The following ASTN2 variants were observed in gnomAD, a reference collection of about 807,000 sequenced individuals.
ASTN2 encodes the protein astrotactin 2.
In ASTN2, 54 loss-of-function variants were observed where a neutral mutation model predicts 139.8. The observed-to-expected ratio is 0.39, with a 90% CI of 0.31 to 0.48. The LOEUF is 0.48. Ranked by LOEUF, ASTN2 falls within the 20% of genes least tolerant of loss-of-function variation. The pLI is 0.95. For synonymous variants in ASTN2, 756 were observed against 719.5 expected (o/e 1.05, Z -0.81); for missense variants, 1,565 against 1,725.1 (o/e 0.91, Z 1.64).
intron 13 of ASTN2, among the ~76,000 whole-genome samples, chr9:116,754,352 T>C (rs1829482226): frequency 6.6e-6 from 1 of 152,172 alleles, no homozygotes. Context: ...GGTCAAATGG[T>C]ATTTCTAGTT....
chr9:116,798,827 C>T (rs1379090629), intron 13 of ASTN2, among the ~76,000 whole-genome samples: 1 of 152,124 alleles, frequency 6.6e-6, no homozygotes, highest in Non-Finnish European at 1.5e-5. Context: ...GGCCAGGGCC[C>T]CTGCCATTCA....
chr9:116,687,834 C>T (rs1276153922), intron 16 of ASTN2, among the ~76,000 whole-genome samples: 2 of 151,558 alleles, frequency 1.3e-5, no homozygotes, highest in African/African-American at 4.9e-5. Context: ...AGGACAGGGT[C>T]TGAGATGATA....
chr9:117,050,856 C>T (rs374347932), intron 5 of ASTN2, among the ~76,000 whole-genome samples: 3 of 152,104 alleles, frequency 2.0e-5, no homozygotes, highest in Admixed American at 6.5e-5. Flanking sequence ...TTCCTGATGG[C>T]CCACAAACCC....
At chr9:116,491,835 T>G (rs1162690142) in intron 19 of ASTN2, among the ~76,000 whole-genome samples, 1 of 152,180 alleles carries the variant, frequency 6.6e-6, no homozygotes, top group African/African-American at 2.4e-5. Context: ...GAATGAGCAA[T>G]AATATACAGA....
intron 13 of ASTN2, among the ~76,000 whole-genome samples, chr9:116,782,010 C>T (rs1404260413): frequency 1.3e-5 from 2 of 152,142 alleles, no homozygotes; most frequent in African/African-American, 4.8e-5. Context: ...ACTCCAAAAC[C>T]CATACTCTTT....
chr9:116,522,673 TAAAC>T (rs1424704171), intron 19 of ASTN2, among the ~76,000 whole-genome samples: 1 of 151,998 alleles, frequency 6.6e-6, no homozygotes, highest in Non-Finnish European at 1.5e-5. Flanking sequence ...AGTAAAAACA[TAAAC>T]AATTTTTTTA....
chr9:117,066,467 T>C (rs10759893), intron 5 of ASTN2, among the ~76,000 whole-genome samples: 117,369 of 142,956 alleles, frequency 0.82, 48,483 homozygotes, highest in South Asian at 0.86. Flanking sequence ...TGAATAATGC[T>C]GCAATAAACA....
At chr9:117,017,455 C>T (rs376153587) in intron 6 of ASTN2, among the ~76,000 whole-genome samples, 5 of 152,132 alleles carry the variant, frequency 3.3e-5, no homozygotes, top group African/African-American at 1.2e-4. Context: ...TCAAGTAAGA[C>T]ACGAACTTAG....
At chr9:116,442,327 A>G (rs1847863758) in intron 21 of ASTN2, 126 bp downstream of exon 21, 1 of 769,476 alleles carries the variant, frequency 1.3e-6, no homozygotes, top group Non-Finnish European at 2.3e-6. Flanking sequence ...TAGTGCCTTC[A>G]ATTTCTTCTC....
chr9:117,036,458 G>C (rs1367637490), intron 6 of ASTN2, among the ~76,000 whole-genome samples: 2 of 152,174 alleles, frequency 1.3e-5, no homozygotes, highest in East Asian at 1.9e-4. Flanking sequence ...TCCCCTCCAA[G>C]GATAGTCATA....
At chr9:117,358,673 A>G (rs1829612366) in intron 1 of ASTN2, among the ~76,000 whole-genome samples, 1 of 152,138 alleles carries the variant, frequency 6.6e-6, no homozygotes, top group South Asian at 2.1e-4. Flanking sequence ...CTTTCTCAGC[A>G]TCTGCTCTCT....
At chr9:116,800,007 A>G (rs1216092067) in intron 13 of ASTN2, among the ~76,000 whole-genome samples, 2 of 152,148 alleles carry the variant, frequency 1.3e-5, no homozygotes, top group South Asian at 2.1e-4. Flanking sequence ...CAATTTCAAC[A>G]TAATTCCTAA....
At position 116,976,817 on chromosome 9, in the gene ASTN2, A is replaced by T. The variant is rs750847415; in HGVS notation, c.1592-32T>A. 21 of 1,592,734 alleles carry T rather than the reference A, an allele frequency of 1.3e-5. No individual in the cohort carries two copies. The Middle Eastern group carries it at 6.6e-4, about 50-fold the overall frequency. On this transcript the variant is annotated intron_variant, in intron 7 of 22. Transcript: ENST00000313400. ...GTGAAAAGAAAAAAGATTATTGTTA[A>T]GTAGAGTCTCCCCAAATAGGCTTTT...
chr9:116,883,366 T>C lies in ASTN2; in HGVS notation c.1890-19633A>G, dbSNP rs1450522240. 2.0e-5 allele frequency among the ~76,000 whole-genome samples: 3 copies of C among 152,062 alleles called. No homozygotes were observed. In the East Asian group the frequency reaches 5.8e-4, roughly 29 times the overall value. On this transcript the variant is annotated intron_variant, in intron 10 of 22. Transcript: ENST00000313400. The stretch of plus-strand genomic sequence containing the variant: ...AAGGAAGAGGTAGCATTTAACTGGG[T>C]TGGATGTGTGGAGACAGCAGTGAGA...
chr9:117,031,390 C>T (rs1379171013), intron 6 of ASTN2, among the ~76,000 whole-genome samples: 1 of 152,102 alleles, frequency 6.6e-6, no homozygotes, highest in African/African-American at 2.4e-5. Flanking sequence ...AGCTGTGGTC[C>T]TTGCCCTTGA....
At chr9:117,304,313 T>C (rs996568410) in intron 1 of ASTN2, among the ~76,000 whole-genome samples, 1 of 152,196 alleles carries the variant, frequency 6.6e-6, no homozygotes, top group Admixed American at 6.5e-5. Flanking sequence ...GCTTTCCTGC[T>C]CTGTGCGTGT....
chr9:117,164,602 A>C (rs1204353112), intron 3 of ASTN2, among the ~76,000 whole-genome samples: 1 of 152,008 alleles, frequency 6.6e-6, no homozygotes, highest in Non-Finnish European at 1.5e-5. Flanking sequence ...TGTGTTATTC[A>C]TGGGTAGATT....
intron 19 of ASTN2, among the ~76,000 whole-genome samples, chr9:116,522,827 C>A (rs1850937057): frequency 6.6e-6 from 1 of 152,080 alleles, no homozygotes; most frequent in Non-Finnish European, 1.5e-5. Context: ...AAACCCTGAG[C>A]AAAGACTTTA....
chr9:116,754,889 C>A (rs1829494692), intron 13 of ASTN2, among the ~76,000 whole-genome samples: 1 of 152,186 alleles, frequency 6.6e-6, no homozygotes, highest in South Asian at 2.1e-4. Flanking sequence ...AAATCAACTT[C>A]TCTTCCCTTG....
Sources: allele counts gnomAD v4.1 joint callset (sites outside exome capture counted in the v4.1 genomes callset), GRCh38; gene constraint gnomAD v4.1.1; transcripts MANE v1.5; gene names NCBI Gene and HGNC (gene_info 2026-07-23, HGNC 2026-07-21).